ADK: variants seen among roughly 807,000 people sequenced by gnomAD.
ADK encodes the protein N6,N6-dimethyladenosine kinase.
Under a neutral mutation model 44.7 loss-of-function variants are expected in ADK, and 24 were observed. That is an observed-to-expected ratio of 0.54 (90% CI 0.39 to 0.76). The LOEUF is 0.76. Ranked by LOEUF, ADK falls within the 30% of genes least tolerant of loss-of-function variation. ADK has a pLI of 0.00. For synonymous variants in ADK, 128 were observed against 142.6 expected (o/e 0.90, Z 0.73); for missense variants, 321 against 425.1 (o/e 0.76, Z 2.15).
intron 6 of ADK, among the ~76,000 whole-genome samples, chr10:74,484,282 A>C (rs1847189342): frequency 6.6e-6 from 1 of 152,034 alleles, no homozygotes; most frequent in Admixed American, 6.6e-5. Context: ...GGTGCTACAC[A>C]CTGTTTAACA....
intron 6 of ADK, among the ~76,000 whole-genome samples, chr10:74,484,520 A>C (rs1187653270): frequency 6.6e-6 from 1 of 152,228 alleles, no homozygotes; most frequent in African/African-American, 2.4e-5. Flanking sequence ...TATTATTTAA[A>C]ATGTCAATTC....
At chr10:74,469,592 G>A (rs943873175) in intron 6 of ADK, among the ~76,000 whole-genome samples, 1 of 152,060 alleles carries the variant, frequency 6.6e-6, no homozygotes, top group Non-Finnish European at 1.5e-5. Context: ...TCAAACTCCT[G>A]GCCTCAAGTG....
At chr10:74,175,479 ATAAAT>A (rs1363936541) in intron 1 of ADK, among the ~76,000 whole-genome samples, 2 of 152,252 alleles carry the variant, frequency 1.3e-5, no homozygotes, top group African/African-American at 4.8e-5. Flanking sequence ...TTAAAATTAA[ATAAAT>A]TAAAAATTAA....
At chr10:74,315,661 A>G (rs1291996533) in intron 4 of ADK, among the ~76,000 whole-genome samples, 3 of 152,176 alleles carry the variant, frequency 2.0e-5, no homozygotes, top group Non-Finnish European at 4.4e-5. Flanking sequence ...TTCCCCTTGA[A>G]TTCTGATTAA....
rs577813146 is a variant in ADK, at chr10:74,176,252, G to A, written c.66-24512G>A. Among the ~76,000 whole-genome samples the A allele has an allele frequency of 5.3e-5, 8 of 152,264 alleles. No homozygotes were observed. In the East Asian group the frequency reaches 1.5e-3, roughly 29 times the overall value. On this transcript the variant is annotated intron_variant, in intron 1 of 10. Coordinates refer to ENST00000539909, the MANE Select transcript of ADK (RefSeq NM_006721.4). ...CCAGCAATTGACTCTCAAAGGCTGC[G>A]GACTGGAATTAGTACGTCGTGCTGC...
chr10:74,371,440 T>TAGA (rs1322169257), intron 4 of ADK: 1 of 622,188 alleles, frequency 1.6e-6, no homozygotes, highest in Non-Finnish European at 2.8e-6. Flanking sequence ...ACAGATCTAT[T>TAGA]AGAAGTAATA....
At chr10:74,372,447 G>A in intron 4 of ADK, 3 of 510,076 alleles carry the variant, frequency 5.9e-6, no homozygotes, top group South Asian at 2.4e-5. Context: ...TAAGCAACAT[G>A]GAAATAAGGT....
At chr10:74,185,336 G>A (rs959071389) in intron 1 of ADK, among the ~76,000 whole-genome samples, 2 of 152,128 alleles carry the variant, frequency 1.3e-5, no homozygotes, top group Admixed American at 6.6e-5. Flanking sequence ...TTTCACATTT[G>A]TGTGCTGAAA....
At chr10:74,445,130 A>G (rs945822434) in intron 6 of ADK, among the ~76,000 whole-genome samples, 2 of 152,170 alleles carry the variant, frequency 1.3e-5, no homozygotes, top group South Asian at 4.1e-4. Context: ...ATACTTGCCC[A>G]GATTTCTTAC....
intron 6 of ADK, among the ~76,000 whole-genome samples, chr10:74,457,931 G>A (rs796540983): frequency 1.4e-4 from 21 of 152,008 alleles, no homozygotes; most frequent in African/African-American, 4.8e-4. Context: ...ACGGGTTGAT[G>A]GGTACAGCAA....
At chr10:74,619,012 TTGTGTGTGTGTGTGTGTGTGTGTGTG>T (rs56168944) in intron 9 of ADK, among the ~76,000 whole-genome samples, 1 of 139,472 alleles carries the variant, frequency 7.2e-6, no homozygotes, top group Non-Finnish European at 1.6e-5. Flanking sequence ...TTTATGCTCT[TTGTGTGTGTGTGTGTGTGTGTGTGTG>T]TGTGTGTGTG....
chr10:74,340,124 A>G (rs1368228632), intron 4 of ADK, among the ~76,000 whole-genome samples: 1 of 152,200 alleles, frequency 6.6e-6, no homozygotes, highest in Non-Finnish European at 1.5e-5. Context: ...ATATTAACAT[A>G]TTCTATTACT....
intron 7 of ADK, among the ~76,000 whole-genome samples, chr10:74,572,503 A>C (rs1242959154): frequency 1.3e-5 from 2 of 151,890 alleles, no homozygotes; most frequent in African/African-American, 4.8e-5. Context: ...CTTCTCGAGG[A>C]GTATCTTTGT....
intron 9 of ADK, chr10:74,655,197 C>T (rs563598739): frequency 9.4e-6 from 3 of 319,808 alleles, no homozygotes; most frequent in South Asian, 6.6e-5. Context: ...GAAGGAGAAA[C>T]ATGAAAGGGA....
At chr10:74,332,534 A>G (rs1841255668) in intron 4 of ADK, among the ~76,000 whole-genome samples, 1 of 152,204 alleles carries the variant, frequency 6.6e-6, no homozygotes, top group Non-Finnish European at 1.5e-5. Flanking sequence ...TGGTTTGTGT[A>G]TTGGCAGAAA....
chr10:74,390,876 C>T (rs1265456876), intron 4 of ADK, among the ~76,000 whole-genome samples: 1 of 152,146 alleles, frequency 6.6e-6, no homozygotes, highest in African/African-American at 2.4e-5. Flanking sequence ...CCCATTGCAT[C>T]ACATCGTAAG....
At chr10:74,367,113 A>C (rs1199057609) in intron 4 of ADK, among the ~76,000 whole-genome samples, 1 of 152,224 alleles carries the variant, frequency 6.6e-6, no homozygotes, top group Non-Finnish European at 1.5e-5. Flanking sequence ...AAGCATAAAA[A>C]CTGCAAATGC....
chr10:74,498,348 A>G (rs1847767151), intron 6 of ADK, among the ~76,000 whole-genome samples: 2 of 152,224 alleles, frequency 1.3e-5, no homozygotes, highest in South Asian at 4.1e-4. Context: ...AAACTTCTGT[A>G]GTAGAATGGG....
intron 6 of ADK, among the ~76,000 whole-genome samples, chr10:74,458,112 A>G (rs1361924195): frequency 7.0e-6 from 1 of 143,856 alleles, no homozygotes; most frequent in Non-Finnish European, 1.5e-5. Context: ...TTTAATGTGC[A>G]TTAAAACTTT....
Sources: allele counts gnomAD v4.1 joint callset (sites outside exome capture counted in the v4.1 genomes callset), GRCh38; gene constraint gnomAD v4.1.1; transcripts MANE v1.5; gene names NCBI Gene and HGNC (gene_info 2026-07-23, HGNC 2026-07-21).